The following CDK6 variants were observed in gnomAD, a reference collection of about 807,000 sequenced individuals.
The protein encoded by CDK6 is cyclin dependent kinase 6.
In CDK6, 6 loss-of-function variants were observed where a neutral mutation model predicts 37.1. The observed-to-expected ratio is 0.16, with a 90% CI of 0.09 to 0.32. The LOEUF is 0.32. Among genes scored for constraint, CDK6 ranks in the 10% least tolerant of loss-of-function variants. CDK6 has a pLI of 1.00. For missense variants in CDK6, 224 were observed against 418.9 expected (o/e 0.53, Z 4.06); for synonymous variants, 160 against 161.3 (o/e 0.99, Z 0.06).
intron 5 of CDK6, among the ~76,000 whole-genome samples, chr7:92,633,657 G>A (rs546949742): frequency 1.1e-4 from 17 of 150,526 alleles, no homozygotes; most frequent in African/African-American, 3.4e-4. Flanking sequence ...GTGGGCCAGC[G>A]AGGGTTTCAT....
intron 3 of CDK6, among the ~76,000 whole-genome samples, chr7:92,753,163 C>T (rs1799226177): frequency 6.6e-6 from 1 of 152,048 alleles, no homozygotes; most frequent in African/African-American, 2.4e-5. Context: ...TAATAAATGT[C>T]ACAACCTGAT....
At chr7:92,832,753 C>G (rs541284756) in intron 2 of CDK6, among the ~76,000 whole-genome samples, 1 of 152,314 alleles carries the variant, frequency 6.6e-6, no homozygotes, top group South Asian at 2.1e-4. Flanking sequence ...GGGCATGTCT[C>G]AGGTTGGCTT....
chr7:92,724,408 C>T (rs1166634992), intron 4 of CDK6, among the ~76,000 whole-genome samples: 10 of 151,704 alleles, frequency 6.6e-5, no homozygotes, highest in African/African-American at 1.2e-4. Context: ...GTTCTGATGC[C>T]CTAGGAAAAG....
chr7:92,769,118 A>G (rs1799650281), intron 3 of CDK6, among the ~76,000 whole-genome samples: 1 of 152,242 alleles, frequency 6.6e-6, no homozygotes, highest in Non-Finnish European at 1.5e-5. Flanking sequence ...AACAGGTGCT[A>G]TTAACAGTGT....
rs3731260 is a variant in CDK6 at position 92,833,688 on chromosome 7, C to A, written c.-365G>T. 1 of 446,406 alleles carries A rather than the reference C, an allele frequency of 2.2e-6. No individual in the cohort carries two copies. The highest frequency in any genetic ancestry group is 2.0e-5 in the African/African-American group (1 of 48,908). 27.7% of individuals were successfully genotyped at this position (446,406 alleles called of 1,614,324 possible). ...AGCGCGTCTCAGTCCAGAATCATTG[C>A]ACCTAAAGGAGGAGACGGGAGGATA... On this transcript the variant is annotated splice_region_variant and 5_prime_UTR_variant, in exon 2 of 8. Transcript: ENST00000424848. This position sits in a 1 kb window ranked among gnomAD's most constrained non-coding sequence, Gnocchi z 6.1.
At chr7:92,635,165 C>T (rs1297068469) in intron 5 of CDK6, among the ~76,000 whole-genome samples, 1 of 152,184 alleles carries the variant, frequency 6.6e-6, no homozygotes, top group Non-Finnish European at 1.5e-5. Flanking sequence ...TTTATTGCTA[C>T]TTCCTCTTGG....
intron 4 of CDK6, among the ~76,000 whole-genome samples, chr7:92,685,355 G>T (rs951375083): frequency 1.3e-5 from 2 of 152,186 alleles, no homozygotes; most frequent in Admixed American, 1.3e-4. Context: ...GACTCATGCT[G>T]CATGCGTGTT....
chr7:92,757,903 C>A (rs144410286), intron 3 of CDK6, among the ~76,000 whole-genome samples: 132 of 152,260 alleles, frequency 8.7e-4, no homozygotes, highest in African/African-American at 3.1e-3. Flanking sequence ...CTCTAATGAT[C>A]AGTGATATTA....
intron 2 of CDK6, among the ~76,000 whole-genome samples, chr7:92,810,545 A>C (rs1205958520): frequency 2.6e-5 from 4 of 152,230 alleles, no homozygotes; most frequent in Non-Finnish European, 5.9e-5. Context: ...GCACTTAAGA[A>C]GTAGACAACT....
intron 5 of CDK6, among the ~76,000 whole-genome samples, chr7:92,636,535 A>C (rs1033847717): frequency 1.3e-5 from 2 of 152,230 alleles, no homozygotes; most frequent in African/African-American, 4.8e-5. Context: ...TTTTATAACT[A>C]TAAGAGAAAA....
intron 4 of CDK6, among the ~76,000 whole-genome samples, chr7:92,722,626 T>C (rs770588288): frequency 2.6e-5 from 4 of 152,228 alleles, no homozygotes; most frequent in Non-Finnish European, 5.9e-5. Context: ...CAGCTTAATA[T>C]TACCAGGTAG....
intron 5 of CDK6, among the ~76,000 whole-genome samples, chr7:92,629,643 C>G (rs1796010084): frequency 6.6e-6 from 1 of 152,102 alleles, no homozygotes; most frequent in African/African-American, 2.4e-5. Flanking sequence ...GAATGGGTAT[C>G]TCCCATTTCC....
rs1799365190 is a variant in CDK6, at chr7:92,758,312, T to C, written c.369+16384A>G. 2.0e-5 allele frequency among the ~76,000 whole-genome samples: 3 copies of C among 152,170 alleles called. No individual in the cohort carries two copies. In the South Asian group the frequency reaches 6.2e-4, roughly 32 times the overall value. On this transcript the variant is annotated intron_variant, in intron 3 of 7. Transcript: ENST00000424848. ...TCCCTCTTGAGTTGATTTTTGTATA[T>C]GATGTAAAGAAGGGGTATAGTTTCA...
chr7:92,732,031 G>T (rs578196713), intron 3 of CDK6, among the ~76,000 whole-genome samples: 1 of 152,328 alleles, frequency 6.6e-6, no homozygotes, highest in Non-Finnish European at 1.5e-5. Flanking sequence ...GACCCAAGTG[G>T]CTATCATTCT....
At chr7:92,799,611 G>A (rs1264387157) in intron 2 of CDK6, among the ~76,000 whole-genome samples, 4 of 152,106 alleles carry the variant, frequency 2.6e-5, no homozygotes, top group Non-Finnish European at 5.9e-5. Context: ...TGTGTCAGAG[G>A]CAATTTTGAA....
At chr7:92,822,242 C>T (rs978858399) in intron 2 of CDK6, among the ~76,000 whole-genome samples, 1 of 152,094 alleles carries the variant, frequency 6.6e-6, no homozygotes, top group Admixed American at 6.6e-5. Context: ...AAATTATGTT[C>T]GTAATTTAAT....
intron 3 of CDK6, among the ~76,000 whole-genome samples, chr7:92,752,361 C>G (rs1281853224): frequency 1.3e-5 from 2 of 152,118 alleles, no homozygotes; most frequent in Non-Finnish European, 2.9e-5. Context: ...GTTATTGATT[C>G]ACTACTAGGC....
At chr7:92,732,747 A>T (rs931152267) in intron 3 of CDK6, among the ~76,000 whole-genome samples, 1 of 152,204 alleles carries the variant, frequency 6.6e-6, no homozygotes, top group Non-Finnish European at 1.5e-5. Context: ...GAGTTTCAGG[A>T]AGCATTTTCC....
At chr7:92,708,799 A>G (rs1195729862) in intron 4 of CDK6, among the ~76,000 whole-genome samples, 1 of 152,184 alleles carries the variant, frequency 6.6e-6, no homozygotes, top group Non-Finnish European at 1.5e-5. Flanking sequence ...TCATTATACA[A>G]TTTGTTCCGT....
Sources: gnomAD v4.1 joint callset for allele counts (sites outside exome capture counted in the v4.1 genomes callset) on GRCh38, gnomAD v4.1.1 for gene constraint, Gnocchi (gnomAD v3.1) non-coding constraint, MANE v1.5 for transcripts, NCBI Gene and HGNC (gene_info 2026-07-23, HGNC 2026-07-21) for gene names.